Variants in HAPSTR1 observed in about 807,000 individuals in gnomAD.
HAPSTR1 encodes HUWE1-associated protein modifying stress responses 1.
chr16:9,101,458 T>A, the HAPSTR1 span, among the ~76,000 whole-genome samples: 1 of 152,268 alleles, frequency 6.6e-6, no homozygotes, highest in Non-Finnish European at 1.5e-5. Context: ...ATGAATGCAC[T>A]CTATAGCATA....
the HAPSTR1 span, chr16:9,109,978 T>A: frequency 6.6e-6 from 1 of 152,030 alleles, no homozygotes; most frequent in Non-Finnish European, 1.5e-5. Flanking sequence ...CCAAGCACTG[T>A]TTATTAGAGG....
chr16:9,099,710 G>T, the HAPSTR1 span, among the ~76,000 whole-genome samples: 1 of 152,170 alleles, frequency 6.6e-6, no homozygotes, highest in Non-Finnish European at 1.5e-5. Flanking sequence ...TAGAATTGGG[G>T]TGTGCTCAGA....
the HAPSTR1 span, among the ~76,000 whole-genome samples, chr16:9,115,944 C>T: frequency 2.0e-5 from 3 of 152,116 alleles, no homozygotes; most frequent in Non-Finnish European, 2.9e-5. Context: ...GAAAACAAAG[C>T]AGCAGGATTC....
the HAPSTR1 span, chr16:9,106,564 G>T: frequency 2.0e-5 from 3 of 151,942 alleles, no homozygotes; most frequent in Non-Finnish European, 4.4e-5. Context: ...GGGATTGCAG[G>T]TGTGAGCCAC....
chr16:9,116,921 C>G, the HAPSTR1 span: 1 of 1,612,334 alleles, frequency 6.2e-7, no homozygotes, highest in South Asian at 1.1e-5. Flanking sequence ...AAACTGCAAA[C>G]ATTTTCACAC....
the HAPSTR1 span, chr16:9,119,810 A>T: frequency 6.6e-6 from 1 of 152,198 alleles, no homozygotes; most frequent in Non-Finnish European, 1.5e-5. Flanking sequence ...GTTTTTTTCT[A>T]AGGGCTACTG....
At chr16:9,112,707 A>G in the HAPSTR1 span, 1 of 152,250 alleles carries the variant, frequency 6.6e-6, no homozygotes, top group African/African-American at 2.4e-5. Context: ...AATAGTTAAT[A>G]ATTTACTATG....
the HAPSTR1 span, chr16:9,093,107 C>G: frequency 1.8e-6 from 2 of 1,082,834 alleles, no homozygotes; most frequent in Admixed American, 2.3e-5. Flanking sequence ...CAGCTGCTAA[C>G]CTTGAATACC....
At chr16:9,092,240 T>G in the HAPSTR1 span, 3 of 1,578,066 alleles carry the variant, frequency 1.9e-6, no homozygotes, top group South Asian at 3.5e-5. Flanking sequence ...CTTCCAGAAC[T>G]CGGCCACCGC....
At chr16:9,113,720 A>G in the HAPSTR1 span, among the ~76,000 whole-genome samples, 20 of 152,340 alleles carry the variant, frequency 1.3e-4, no homozygotes, top group African/African-American at 3.8e-4. Context: ...TTATCTTTGA[A>G]GAACATGGGC....
At chr16:9,116,527 AACTT>A in the HAPSTR1 span, 18 of 1,099,006 alleles carry the variant, frequency 1.6e-5, no homozygotes, top group African/African-American at 2.2e-4. Context: ...TCCAGAATAA[AACTT>A]AATTGCTTAC....
chr16:9,103,471 G>A, the HAPSTR1 span: 1 of 544,258 alleles, frequency 1.8e-6, no homozygotes, highest in Non-Finnish European at 3.2e-6. Flanking sequence ...TAGAAAGTTA[G>A]TTTGAGCTTA....
At chr16:9,100,296 A>C in the HAPSTR1 span, among the ~76,000 whole-genome samples, 1 of 152,176 alleles carries the variant, frequency 6.6e-6, no homozygotes, top group Non-Finnish European at 1.5e-5. Context: ...ACTAGTGATT[A>C]CTGAGTTTTC....
chr16:9,115,764 C>T, the HAPSTR1 span, among the ~76,000 whole-genome samples: 1 of 152,160 alleles, frequency 6.6e-6, no homozygotes, highest in Non-Finnish European at 1.5e-5. Context: ...CAGGCGCCTG[C>T]CACCACGCCG....
the HAPSTR1 span, chr16:9,110,348 A>G: frequency 6.6e-6 from 1 of 152,180 alleles, no homozygotes. Context: ...AGAAAGAAGA[A>G]TGTAAGGCAG....
chr16:9,117,948 C>G, the HAPSTR1 span: 2 of 152,766 alleles, frequency 1.3e-5, no homozygotes, highest in African/African-American at 4.8e-5. Context: ...CCAACTCTCC[C>G]TGTCCCTCCA....
At chr16:9,092,382 G>A in the HAPSTR1 span, 2 of 1,015,360 alleles carry the variant, frequency 2.0e-6, no homozygotes, top group East Asian at 7.2e-5. Flanking sequence ...GCGGCCTCGG[G>A]GATCCCGGCC....
the HAPSTR1 span, chr16:9,119,573 G>C: frequency 1.3e-5 from 2 of 152,144 alleles, no homozygotes; most frequent in African/African-American, 4.8e-5. Context: ...ATATTTTTTA[G>C]AGCAAAATTG....
At chr16:9,092,101 C>T in the HAPSTR1 span, 6 of 1,547,932 alleles carry the variant, frequency 3.9e-6, no homozygotes, top group African/African-American at 1.4e-5. Flanking sequence ...GGCCCGAGCA[C>T]TGGTTCTCCA....
Sources: allele counts gnomAD v4.1 joint callset (sites outside exome capture counted in the v4.1 genomes callset), GRCh38; gene constraint gnomAD v4.1.1; transcripts MANE v1.5; gene names NCBI Gene and HGNC (gene_info 2026-07-23, HGNC 2026-07-21).